The following VSIG8 variants were observed in gnomAD, a reference collection of about 807,000 sequenced individuals.
The protein encoded by VSIG8 is V-set and immunoglobulin domain-containing protein 8.
VSIG8 carries 32 observed loss-of-function variants against 42.6 expected under a neutral mutation model. The ratio of observed to expected loss-of-function variants is 0.75; its 90% CI spans 0.57 to 1.01. The LOEUF (loss-of-function observed/expected upper bound fraction) is 1.01. Among genes scored for constraint, VSIG8 ranks in the 50% least tolerant of loss-of-function variants. The pLI is 0.00. For synonymous variants in VSIG8, 290 were observed against 243.8 expected (o/e 1.19, Z -1.77); for missense variants, 529 against 558.0 (o/e 0.95, Z 0.52).
intron 1 of VSIG8, among the ~76,000 whole-genome samples, chr1:159,859,601 G>A (rs1027397450): frequency 1.3e-5 from 2 of 152,204 alleles, no homozygotes; most frequent in African/African-American, 4.8e-5. Flanking sequence ...AAAAGTGACA[G>A]TGTGTGCTTG....
Position 159,854,603 on chromosome 1 carries a change from C to A in VSIG8, c.*150G>T. The A allele has an allele frequency of 1.5e-6, 2 of 1,295,314 alleles. No homozygotes were observed. The highest frequency in any genetic ancestry group is 3.1e-5 in the African/African-American group (2 of 63,996). The allele number at this position is 1,295,314 out of a possible 1,614,324, so 80.2% of individuals were successfully genotyped here. On this transcript the variant is annotated 3_prime_UTR_variant, in exon 7 of 7. Transcript: ENST00000368100. ...TTGGGGAGGAGGCTCTGCCTCCCTA[C>A]GCATTTCCTTAGGGAAATGCCTTCA...
chr1:159,858,918 G>C lies in VSIG8; in HGVS notation c.50-6C>G, dbSNP rs762119816. On this transcript the variant is annotated splice_region_variant and splice_polypyrimidine_tract_variant and intron_variant, in intron 1 of 6. Coordinates refer to ENST00000368100, the MANE Select transcript of VSIG8 (RefSeq NM_001013661.1). ...CCGCACAGCAGACAGCAGTGCTAGGGGGAGGGCAGAGAAGATGGGGTGGTA... is the reference window on the plus strand; with the variant it reads ...CCGCACAGCAGACAGCAGTGCTAGGCGGAGGGCAGAGAAGATGGGGTGGTA... 1.9e-6 allele frequency: 3 copies of C among 1,611,298 alleles called. No homozygotes were observed. Among genetic ancestry groups the C allele is most frequent in the Non-Finnish European group, 2.5e-6 (3 of 1,178,664 alleles).
At chr1:159,859,212 T>C (rs981508714) in intron 1 of VSIG8, among the ~76,000 whole-genome samples, 2 of 152,138 alleles carry the variant, frequency 1.3e-5, no homozygotes, top group Admixed American at 6.5e-5. Context: ...TGCTTATGAG[T>C]ATTTGTGGCT....
At chr1:159,855,238 C>G (rs1243987056) in intron 6 of VSIG8, 7 of 1,551,348 alleles carry the variant, frequency 4.5e-6, no homozygotes, top group African/African-American at 1.4e-5. Context: ...GCATCCCCAT[C>G]CTCCAGACAG....
Position 159,855,112 on chromosome 1 carries a change from C to T in VSIG8, c.972-86G>A, listed in dbSNP as rs1365326397. On this transcript the variant is annotated intron_variant, in intron 6 of 6. Coordinates refer to ENST00000368100, the MANE Select transcript of VSIG8 (RefSeq NM_001013661.1). ...CCTGGGCAGAGCCGGGGGCTCTTGG[C>T]AACCTCTTGTCTCCCGCGCCTCCCT... is the stretch of plus-strand genomic sequence containing the variant. 3 of 1,551,360 alleles carry T rather than the reference C, an allele frequency of 1.9e-6. No individual in the cohort carries two copies. The East Asian group carries it at 7.3e-5, about 38-fold the overall frequency.
chr1:159,856,790 C>T, intron 4 of VSIG8, 147 bp from the exon 5 acceptor site: 1 of 1,041,302 alleles, frequency 9.6e-7, no homozygotes, highest in South Asian at 1.7e-5. Context: ...CACACACACA[C>T]TCCACTCTCC....
chr1:159,856,797 C>T (rs1648848139), intron 4 of VSIG8, among the ~76,000 whole-genome samples, 154 bp from the exon 5 acceptor site: 1 of 152,052 alleles, frequency 6.6e-6, no homozygotes, highest in Non-Finnish European at 1.5e-5. Flanking sequence ...ACACTCCACT[C>T]TCCAGGTGAG....
At chr1:159,855,149 C>A in intron 6 of VSIG8, 123 bp from the exon 7 acceptor site, 4 of 1,551,664 alleles carry the variant, frequency 2.6e-6, no homozygotes, top group Non-Finnish European at 3.5e-6. Context: ...CACCTGCCCT[C>A]GTCTCTCTCC....
rs1648743839 is a variant in VSIG8, at chr1:159,854,783, C to G, written c.1215G>C (p.Pro405=). 1.3e-6 allele frequency: 2 copies of G among 1,503,732 alleles called. No homozygotes were observed. The highest frequency in any genetic ancestry group is 1.8e-6 in the Non-Finnish European group (2 of 1,133,722). 93.1% of individuals were successfully genotyped at this position (1,503,732 alleles called of 1,614,324 possible). A position where few individuals can be genotyped will look rare whatever the true frequency, so the allele number is the denominator to read the frequency against. The change falls in exon 7 of 7, where the codon CCG becomes CCC. Residue 405 remains proline, a synonymous_variant. Transcript: ENST00000368100. ...CCAAGAGGCCGTTCTTGCACTGCACCGGCCCCTCGGCGCAGTCAGCCGGCT... is the reference window on the plus strand; with the variant it reads ...CCAAGAGGCCGTTCTTGCACTGCACGGGCCCCTCGGCGCAGTCAGCCGGCT... ...SAEPADCAEG[P]VQCKNGLLV is the part of the protein sequence containing the mutation.
At position 159,854,929 on chromosome 1, in the gene VSIG8, G is replaced by A; in HGVS notation, c.1069C>T (p.Arg357Cys). ...CAGGGGGGAGGCGCGTACTTGCGGC[G>A]CAGGGAGCGGCTGACGTTCTGCGTC... ...YPTQNVSRSLRRKYAPPPCGG... is the reference protein window; with the variant it reads ...YPTQNVSRSLCRKYAPPPCGG... The change falls in exon 7 of 7, where the codon CGC (arginine) becomes TGC (cysteine). Residue 357 changes from arginine to cysteine, a missense_variant. By Grantham distance (180) the Arg-to-Cys change is radical (BLOSUM62 -3). Transcript: ENST00000368100. 6.6e-7 allele frequency: 1 copy of A among 1,508,536 alleles called. No homozygotes were observed. The allele number at this position is 1,508,536 out of a possible 1,614,324, so 93.4% of individuals were successfully genotyped here.
chr1:159,862,276 C>T, intron 1 of VSIG8, 197 bp downstream of exon 1: 2 of 553,978 alleles, frequency 3.6e-6, no homozygotes, highest in East Asian at 3.0e-5. Flanking sequence ...TACAGACACA[C>T]ACCCTGAACA....
In VSIG8 at chr1:159,857,738, C is replaced by G; in HGVS notation, c.652+7G>C. The G allele has an allele frequency of 6.2e-7, 1 of 1,613,548 alleles. No homozygotes were observed. The highest frequency in any genetic ancestry group is 8.5e-7 in the Non-Finnish European group (1 of 1,179,560). On this transcript the variant is annotated splice_region_variant and intron_variant, in intron 4 of 6. Coordinates refer to ENST00000368100, the MANE Select transcript of VSIG8 (RefSeq NM_001013661.1). ...CCCCCGACTGCCCTCATCCAGGGCC[C>G]TCTCACCTTGGTTTATGGAGCTGTG...
chr1:159,858,057 G>C, intron 3 of VSIG8, 33 bp downstream of exon 3: 1 of 1,613,680 alleles, frequency 6.2e-7, no homozygotes, highest in Non-Finnish European at 8.5e-7. Context: ...TCTTAAGCCA[G>C]GGGGAGAGGA....
chr1:159,854,838 G>T lies in VSIG8; in HGVS notation c.1160C>A (p.Ser387Tyr). Residue 387 changes from serine to tyrosine, a missense_variant, in exon 7 of 7, where the codon TCC becomes TAC. Ser to Tyr is a moderately radical substitution (Grantham distance 144). Coordinates refer to ENST00000368100, the MANE Select transcript of VSIG8 (RefSeq NM_001013661.1). ...GCTCTTGACCTTGACGTAGACCGGG[G>T]AGGGGCCCGCTTCGCAGGCGGCGGC... ...TAAAACEAGPSPVYVKVKSAE... is the reference protein window; with the variant it reads ...TAAAACEAGPYPVYVKVKSAE... The T allele has an allele frequency of 6.7e-7, 1 of 1,490,930 alleles. No individual in the cohort carries two copies. The highest frequency in any genetic ancestry group is 8.9e-7 in the Non-Finnish European group (1 of 1,128,710). 92.4% of individuals were successfully genotyped at this position (1,490,930 alleles called of 1,614,324 possible).
rs1317450616 is a variant in VSIG8, at chr1:159,856,087, G to A, written c.773-6C>T. On this transcript the variant is annotated splice_region_variant and splice_polypyrimidine_tract_variant and intron_variant, in intron 5 of 6. Coordinates refer to ENST00000368100, the MANE Select transcript of VSIG8 (RefSeq NM_001013661.1). Reference sequence around the variant, plus strand: ...CACGCCTATACGCCGGGAGTCTGTGGAGAGAAGTGGAGGCAGGTCAGGCTT... The same window carrying A: ...CACGCCTATACGCCGGGAGTCTGTGAAGAGAAGTGGAGGCAGGTCAGGCTT... 3 of 1,608,808 alleles carry A rather than the reference G, an allele frequency of 1.9e-6. No individual in the cohort carries two copies. Among genetic ancestry groups the A allele is most frequent in the Non-Finnish European group, 2.5e-6 (3 of 1,177,808 alleles).
chr1:159,857,712 A>AC lies in VSIG8; in HGVS notation c.652+32dup, dbSNP rs1295808245. ...TCCCAGAGTCCCTGATCTTCCACTC[A>AC]CCCCCGACTGCCCTCATCCAGGGCC... On this transcript the variant is annotated intron_variant, in intron 4 of 6. Transcript: ENST00000368100. 1.9e-6 allele frequency: 3 copies of AC among 1,588,254 alleles called. No homozygotes were observed. In the Admixed American group the frequency reaches 5.0e-5, roughly 27 times the overall value.
rs1462873686 is a variant in VSIG8, at chr1:159,857,930, T to C, written c.467A>G (p.His156Arg). The C allele has an allele frequency of 1.2e-6, 2 of 1,614,216 alleles. No homozygotes were observed. The highest frequency in any genetic ancestry group is 1.7e-6 in the Non-Finnish European group (2 of 1,180,006). ...CACCACATCGTTGCCATATGTCATG[T>C]GGCCCTCTGTCCAGCACATGGGCAC... is the stretch of plus-strand genomic sequence containing the variant. ...PAVPMCWTEG[H>R]MTYGNDVVLK... Residue 156 changes from histidine to arginine, a missense_variant, in exon 4 of 7, where the codon CAC becomes CGC. Physicochemically the swap from His to Arg is conservative, Grantham distance 29. Coordinates refer to ENST00000368100, the MANE Select transcript of VSIG8 (RefSeq NM_001013661.1).
Position 159,854,438 on chromosome 1 carries a change from G to T in VSIG8, c.*315C>A. On this transcript the variant is annotated 3_prime_UTR_variant, in exon 7 of 7. Transcript: ENST00000368100. ...GCCCCCGGGGCCCTCTGCTTAGGCTGGGGACACCAGGCCTCCGGCCTCAGC... is the reference window on the plus strand; with the variant it reads ...GCCCCCGGGGCCCTCTGCTTAGGCTTGGGACACCAGGCCTCCGGCCTCAGC... The T allele has an allele frequency of 5.8e-6, 2 of 344,954 alleles. No individual in the cohort carries two copies. Among genetic ancestry groups the T allele is most frequent in the Non-Finnish European group, 1.0e-5 (2 of 198,790 alleles). 21.4% of individuals were successfully genotyped at this position (344,954 alleles called of 1,614,324 possible). A position where few individuals can be genotyped will look rare whatever the true frequency, so the allele number is the denominator to read the frequency against.
At chr1:159,855,227 A>C (rs1298686182) in intron 6 of VSIG8, 29 of 1,551,556 alleles carry the variant, frequency 1.9e-5, no homozygotes, top group Non-Finnish European at 2.5e-5. Flanking sequence ...TCCCGGAGCC[A>C]GCATCCCCAT....
Sources: gnomAD v4.1 joint callset for allele counts (sites outside exome capture counted in the v4.1 genomes callset) on GRCh38, gnomAD v4.1.1 for gene constraint, MANE v1.5 for transcripts, NCBI Gene and HGNC (gene_info 2026-07-23, HGNC 2026-07-21) for gene names.